TENM1: variants seen among roughly 807,000 people sequenced by gnomAD.
TENM1 encodes the protein teneurin transmembrane protein 1.
Under a neutral mutation model 174.8 loss-of-function variants are expected in TENM1, and 35 were observed. The observed-to-expected ratio is 0.20, with a 90% CI of 0.15 to 0.27. The LOEUF (loss-of-function observed/expected upper bound fraction) is 0.27. TENM1 is among the 10% of genes least tolerant of loss of function. The pLI is 1.00. For synonymous variants in TENM1, 781 were observed against 798.7 expected (o/e 0.98, Z 0.37); for missense variants, 1,633 against 2,130.1 (o/e 0.77, Z 4.59).
chrX:124,828,123 T>TA (rs1412889502), intron 3 of TENM1, among the ~76,000 whole-genome samples: 3 of 111,680 alleles, frequency 2.7e-5, no homozygotes, highest in Non-Finnish European at 3.8e-5. Context: ...AAACTGAATA[T>TA]AAAAAAATTT....
At chrX:125,146,820 T>C in the TENM1 span, among the ~76,000 whole-genome samples, 1 of 111,473 alleles carries the variant, frequency 9.0e-6, no homozygotes, top group Non-Finnish European at 1.9e-5. Flanking sequence ...TGGCCATTTC[T>C]TCAATATATT....
the TENM1 span, among the ~76,000 whole-genome samples, chrX:125,133,138 C>T: frequency 9.0e-6 from 1 of 111,013 alleles, no homozygotes. Flanking sequence ...GGACTACAGG[C>T]GTCTGCCACC....
intron 16 of TENM1, among the ~76,000 whole-genome samples, chrX:124,524,662 C>T (rs1009641286): frequency 4.5e-5 from 5 of 111,677 alleles, no homozygotes; most frequent in African/African-American, 1.3e-4. Context: ...ACAACTCCTT[C>T]TCTATCCATG....
At chrX:124,733,413 C>A (rs2053605991) in intron 4 of TENM1, among the ~76,000 whole-genome samples, 1 of 112,041 alleles carries the variant, frequency 8.9e-6, no homozygotes, top group Admixed American at 9.4e-5. Context: ...AGTAATGTTA[C>A]CTTTTAATTG....
At chrX:125,155,918 G>C in the TENM1 span, among the ~76,000 whole-genome samples, 4 of 112,821 alleles carry the variant, frequency 3.5e-5, no homozygotes, top group African/African-American at 6.4e-5. Context: ...ACAGTGCAGC[G>C]GCGGGCTGAA....
At chrX:124,665,945 G>A (rs183599386) in intron 6 of TENM1, among the ~76,000 whole-genome samples, 11 of 111,731 alleles carry the variant, frequency 9.8e-5, no homozygotes, top group Admixed American at 6.6e-4. Context: ...CCCTAGAAAC[G>A]GTTGAAAGCC....
chrX:124,391,444 G>A (rs938550061), intron 28 of TENM1, among the ~76,000 whole-genome samples: 3 of 111,159 alleles, frequency 2.7e-5, no homozygotes, highest in African/African-American at 9.8e-5. Flanking sequence ...TTTGACAAAT[G>A]GTTCCTGTAG....
intron 2 of TENM1, among the ~76,000 whole-genome samples, chrX:124,895,674 T>C (rs187073043): frequency 8.9e-6 from 1 of 112,226 alleles, no homozygotes; most frequent in East Asian, 2.8e-4. Flanking sequence ...CTACTAGTAT[T>C]GCCGTGGAAA....
intron 22 of TENM1, among the ~76,000 whole-genome samples, chrX:124,467,826 T>C (rs2061256295): frequency 9.0e-6 from 1 of 111,010 alleles, no homozygotes; most frequent in African/African-American, 3.3e-5. Flanking sequence ...TGGCGCAATC[T>C]CAGCTCACCA....
the TENM1 span, among the ~76,000 whole-genome samples, chrX:125,179,405 G>A: frequency 9.1e-6 from 1 of 109,293 alleles, no homozygotes; most frequent in Admixed American, 9.9e-5. Context: ...CTTGGGGCCA[G>A]AATTTCAAGA....
intron 22 of TENM1, among the ~76,000 whole-genome samples, chrX:124,475,102 G>A (rs762164307): frequency 3.6e-5 from 4 of 111,051 alleles, no homozygotes; most frequent in Admixed American, 9.6e-5. Flanking sequence ...GAAGACTTCA[G>A]TAAGTGCCTC....
the TENM1 span, among the ~76,000 whole-genome samples, chrX:125,139,611 T>G: frequency 5.9e-4 from 66 of 111,055 alleles, no homozygotes; most frequent in East Asian, 0.011. Context: ...AGAAACCTTT[T>G]TAGGCTGTTT....
At chrX:125,121,153 T>A in the TENM1 span, among the ~76,000 whole-genome samples, 4 of 111,943 alleles carry the variant, frequency 3.6e-5, no homozygotes, top group Non-Finnish European at 7.5e-5. Flanking sequence ...ATAGTCAGAT[T>A]ATTTTAAATC....
At chrX:124,896,069 T>C in exon 2 of TENM1, 1 of 1,211,743 alleles carries the variant, frequency 8.3e-7, no homozygotes, top group Admixed American at 2.2e-5. Context: ...AACTATGCTC[T>C]GATTTCATTC....
chrX:125,049,630 C>A, the TENM1 span, among the ~76,000 whole-genome samples: 2 of 111,892 alleles, frequency 1.8e-5, no homozygotes, highest in Non-Finnish European at 3.8e-5. Context: ...TCCACAGTGA[C>A]TACACTATTG....
At chrX:125,181,354 A>G in the TENM1 span, among the ~76,000 whole-genome samples, 1 of 111,664 alleles carries the variant, frequency 9.0e-6, no homozygotes, top group African/African-American at 3.3e-5. Context: ...TAAAGAGGAC[A>G]CACTCAAGCT....
At chrX:124,808,491 C>A (rs981326276) in intron 3 of TENM1, among the ~76,000 whole-genome samples, 1 of 111,988 alleles carries the variant, frequency 8.9e-6, no homozygotes, top group Non-Finnish European at 1.9e-5. Context: ...ACCTAACGGA[C>A]ATATTTAGAA....
chrX:124,859,227 C>T (rs1307312873), intron 3 of TENM1, among the ~76,000 whole-genome samples: 1 of 110,420 alleles, frequency 9.1e-6, no homozygotes, highest in Non-Finnish European at 1.9e-5. Flanking sequence ...TTAGTATGTA[C>T]ACTATTCTCA....
At chrX:125,046,820 A>ATG in the TENM1 span, among the ~76,000 whole-genome samples, 6 of 102,822 alleles carry the variant, frequency 5.8e-5, no homozygotes, top group East Asian at 3.0e-4. Flanking sequence ...TCATACAATT[A>ATG]TGTGTGTGTG....
Sources: allele counts gnomAD v4.1 joint callset (sites outside exome capture counted in the v4.1 genomes callset), GRCh38; gene constraint gnomAD v4.1.1; transcripts MANE v1.5; gene names NCBI Gene and HGNC (gene_info 2026-07-23, HGNC 2026-07-21).